IFRD1: variants seen among roughly 807,000 people sequenced by gnomAD.
IFRD1 encodes interferon-related developmental regulator 1.
IFRD1 carries 35 observed loss-of-function variants against 52.9 expected under a neutral mutation model. The observed-to-expected ratio is 0.66, with a 90% CI of 0.51 to 0.88. The LOEUF is 0.88. Ranked by LOEUF, IFRD1 falls within the 40% of genes least tolerant of loss-of-function variation. The probability of loss-of-function intolerance (pLI) is 0.00; values close to 1 mark genes in which losing one functional copy is unlikely to be tolerated. For synonymous variants in IFRD1, 184 were observed against 188.4 expected, an observed-to-expected ratio of 0.98 and a Z score of 0.19; for missense variants, 517 against 550.8, an observed-to-expected ratio of 0.94 and a Z score of 0.61.
chr7:112,426,001 AG>A (rs1414941488), intron 1 of IFRD1, among the ~76,000 whole-genome samples: 1 of 152,184 alleles, frequency 6.6e-6, no homozygotes, highest in Non-Finnish European at 1.5e-5. Context: ...TAGAAACAAA[AG>A]ACTTTACATC....
At chr7:112,472,174 A>T in intron 9 of IFRD1, 45 bp from the exon 10 acceptor site, 1 of 1,607,672 alleles carries the variant, frequency 6.2e-7, no homozygotes, top group Non-Finnish European at 8.5e-7. Flanking sequence ...GATCCCTCTG[A>T]GCCATTTTAG....
chr7:112,467,947 T>A (rs777486166), intron 8 of IFRD1, 34 bp from the exon 9 acceptor site: 2 of 1,605,320 alleles, frequency 1.2e-6, no homozygotes, highest in African/African-American at 1.3e-5. Context: ...AGAAAAATAA[T>A]AATAAAGGAA....
chr7:112,450,322 T>G (rs1196800314), upstream of IFRD1: 7 of 255,868 alleles, frequency 2.7e-5, no homozygotes, highest in Non-Finnish European at 4.7e-5. Context: ...GATTTGTAGG[T>G]AGGATCCGCG....
chr7:112,438,162 G>A (rs891487264), intron 1 of IFRD1, among the ~76,000 whole-genome samples: 1 of 152,132 alleles, frequency 6.6e-6, no homozygotes, highest in Non-Finnish European at 1.5e-5. Flanking sequence ...CATCTTTGAA[G>A]AGCTTCAAAA....
rs1795770188 is a variant in IFRD1 at position 112,472,283 on chromosome 7, T to TA, written c.1113dup (p.His372ThrfsTer4). On this transcript the variant is annotated frameshift_variant, in exon 10 of 12. Coordinates refer to ENST00000403825, the MANE Select transcript of IFRD1 (RefSeq NM_001550.4). LOFTEE classifies it high-confidence loss of function. ...GAACGCATGTATATTGATTGCTGGG[T>TA]AAAAAAACACACCTATGACACCTTT... 3 of 1,613,804 alleles carry TA rather than the reference T, an allele frequency of 1.9e-6. No individual in the cohort carries two copies. Among genetic ancestry groups the TA allele is most frequent in the Non-Finnish European group, 2.5e-6 (3 of 1,179,864 alleles).
intron 1 of IFRD1, among the ~76,000 whole-genome samples, chr7:112,444,057 T>C (rs115348804): frequency 0.016 from 2,401 of 152,324 alleles, 57 homozygotes; most frequent in African/African-American, 0.056. Context: ...AACAAAAAGA[T>C]AATTCCTACT....
At chr7:112,468,156 T>C in intron 9 of IFRD1, 41 bp downstream of exon 9, 1 of 1,599,692 alleles carries the variant, frequency 6.3e-7, no homozygotes, top group African/African-American at 1.3e-5. Flanking sequence ...CATTTTGAAA[T>C]TGGATTGTTT....
chr7:112,443,213 T>C (rs1794935920), intron 1 of IFRD1, among the ~76,000 whole-genome samples: 1 of 152,108 alleles, frequency 6.6e-6, no homozygotes, highest in African/African-American at 2.4e-5. Flanking sequence ...GGTTACCCCT[T>C]AAGAAATTTT....
At chr7:112,462,451 G>C in intron 8 of IFRD1, 73 bp downstream of exon 8, 1 of 1,015,938 alleles carries the variant, frequency 9.8e-7, no homozygotes, top group Non-Finnish European at 1.5e-6. Flanking sequence ...TTGCAATTGA[G>C]AATTGGGCAA....
At chr7:112,448,612 C>A (rs1795082052), upstream of IFRD1, among the ~76,000 whole-genome samples, 1 of 152,214 alleles carries the variant, frequency 6.6e-6, no homozygotes, top group Non-Finnish European at 1.5e-5. Flanking sequence ...TATTTGGTTT[C>A]TGTGCTCTGT....
chr7:112,463,022 A>T (rs1434870572), intron 8 of IFRD1, among the ~76,000 whole-genome samples: 1 of 152,182 alleles, frequency 6.6e-6, no homozygotes. Context: ...ATCTCGGGCA[A>T]ACTGGGTCAT....
At chr7:112,427,574 C>T (rs720639) in intron 1 of IFRD1, among the ~76,000 whole-genome samples, 3,231 of 152,142 alleles carry the variant, frequency 0.021, 118 homozygotes, top group Admixed American at 0.08. Context: ...ATTGTAGAAA[C>T]GTAACTTGAT....
intron 1 of IFRD1, among the ~76,000 whole-genome samples, chr7:112,427,849 CTCCTAT>C (rs1173750570): frequency 3.3e-5 from 5 of 152,174 alleles, no homozygotes; most frequent in Admixed American, 3.3e-4. Context: ...TCAGATGTGG[CTCCTAT>C]TCCCAAGGAG....
upstream of IFRD1, among the ~76,000 whole-genome samples, chr7:112,445,686 T>G (rs1795012196): frequency 6.6e-6 from 1 of 152,214 alleles, no homozygotes; most frequent in African/African-American, 2.4e-5. Context: ...TATGTACAGA[T>G]GTATAGGTTG....
chr7:112,456,224 A>G (rs550581825), intron 3 of IFRD1, 138 bp downstream of exon 3: 91 of 710,644 alleles, frequency 1.3e-4, no homozygotes, highest in African/African-American at 1.1e-3. Context: ...GATAATAGCA[A>G]TATATTTTTC....
At chr7:112,437,348 A>G (rs116060385) in intron 1 of IFRD1, 1 of 154,716 alleles carries the variant, frequency 6.5e-6, no homozygotes, top group African/African-American at 2.4e-5. Context: ...CCTAGTAAAG[A>G]AAAATATAAA....
chr7:112,462,588 A>G (rs1252164476), intron 8 of IFRD1, among the ~76,000 whole-genome samples: 2 of 152,176 alleles, frequency 1.3e-5, no homozygotes, highest in Non-Finnish European at 2.9e-5. Context: ...ACTGTGGTTC[A>G]TTATACTTAA....
chr7:112,456,428 C>T (rs1026062674), intron 3 of IFRD1, among the ~76,000 whole-genome samples: 3 of 152,042 alleles, frequency 2.0e-5, no homozygotes, highest in South Asian at 2.1e-4. Context: ...GAAATGATAA[C>T]GAAACCTTGC....
At chr7:112,432,744 A>G (rs1794575059) in intron 1 of IFRD1, among the ~76,000 whole-genome samples, 1 of 152,210 alleles carries the variant, frequency 6.6e-6, no homozygotes. Flanking sequence ...CAATGGCATA[A>G]TGAAGAGAAA....
Sources: allele counts gnomAD v4.1 joint callset (sites outside exome capture counted in the v4.1 genomes callset), GRCh38; gene constraint gnomAD v4.1.1; transcripts MANE v1.5; gene names NCBI Gene and HGNC (gene_info 2026-07-23, HGNC 2026-07-21).